CDH13: variants seen among roughly 807,000 people sequenced by gnomAD.
CDH13 encodes cadherin-13.
A neutral mutation model predicts 63.8 loss-of-function variants in CDH13; 24 were observed. That is an observed-to-expected ratio of 0.38 (90% CI 0.27 to 0.53). The LOEUF (loss-of-function observed/expected upper bound fraction) is 0.53, where lower values mean the gene tolerates loss of function less well. Among genes scored for constraint, CDH13 ranks in the 20% least tolerant of loss-of-function variants. The pLI, the probability that CDH13 is intolerant of heterozygous loss-of-function variation, is 0.85. For missense variants in CDH13, 1,049 were observed against 903.1 expected (o/e 1.16, Z -2.07); for synonymous variants, 503 against 355.3 (o/e 1.42, Z -4.67).
At chr16:83,313,265 T>G (rs1440453298) in intron 5 of CDH13, among the ~76,000 whole-genome samples, 1 of 152,214 alleles carries the variant, frequency 6.6e-6, no homozygotes, top group Admixed American at 6.5e-5. Context: ...CATTGATATT[T>G]TGAAAGGTGC....
chr16:83,571,898 G>T (rs367987288), intron 7 of CDH13, among the ~76,000 whole-genome samples: 4 of 151,020 alleles, frequency 2.6e-5, no homozygotes, highest in African/African-American at 9.9e-5. Context: ...ACAGAACTTA[G>T]CAGTCGCTCT....
At chr16:83,209,417 A>G (rs1007962241) in intron 4 of CDH13, among the ~76,000 whole-genome samples, 10 of 152,192 alleles carry the variant, frequency 6.6e-5, no homozygotes, top group African/African-American at 9.6e-5. Flanking sequence ...TTTTCAGGGT[A>G]TGCATAAGTT....
At chr16:83,396,855 A>C (rs964968492) in intron 6 of CDH13, 1 of 152,106 alleles carries the variant, frequency 6.6e-6, no homozygotes, top group African/African-American at 2.4e-5. Context: ...TGTCAGTAGC[A>C]TTTTTCATGG....
intron 4 of CDH13, among the ~76,000 whole-genome samples, chr16:83,148,409 C>G (rs1424681775): frequency 4.6e-5 from 7 of 152,192 alleles, no homozygotes; most frequent in Admixed American, 3.3e-4. Flanking sequence ...GCTGGAAGAA[C>G]TAAGACGGCA....
intron 8 of CDH13, among the ~76,000 whole-genome samples, chr16:83,632,114 G>C (rs1032184707): frequency 6.6e-6 from 1 of 152,290 alleles, no homozygotes; most frequent in African/African-American, 2.4e-5. Context: ...CAGGGAGGAG[G>C]CAAGCAGGGA....
At chr16:82,732,583 A>G (rs1198235701) in intron 1 of CDH13, among the ~76,000 whole-genome samples, 1 of 152,230 alleles carries the variant, frequency 6.6e-6, no homozygotes, top group African/African-American at 2.4e-5. Context: ...AAAGAGATTT[A>G]TCCCTCTTAT....
intron 2 of CDH13, among the ~76,000 whole-genome samples, chr16:82,863,705 A>T (rs1258209196): frequency 6.6e-6 from 1 of 152,170 alleles, no homozygotes; most frequent in Non-Finnish European, 1.5e-5. Flanking sequence ...CATTACTTTC[A>T]TTCATAGACC....
intron 1 of CDH13, among the ~76,000 whole-genome samples, chr16:82,657,259 G>A (rs545035434): frequency 2.3e-4 from 35 of 152,216 alleles, no homozygotes; most frequent in African/African-American, 8.4e-4. Context: ...TCCATAAAAT[G>A]GAACAATTAT....
intron 5 of CDH13, among the ~76,000 whole-genome samples, chr16:83,289,431 C>G (rs2089412204): frequency 6.6e-6 from 1 of 152,130 alleles, no homozygotes; most frequent in African/African-American, 2.4e-5. Flanking sequence ...CCAGGCTCCA[C>G]TTTAGTGTGG....
At chr16:82,807,574 C>G (rs2318185) in intron 1 of CDH13, among the ~76,000 whole-genome samples, 66,444 of 124,040 alleles carry the variant, frequency 0.54, 15,620 homozygotes, top group South Asian at 0.7. Flanking sequence ...GTCTTGATCT[C>G]TGGGCTAAGG....
intron 1 of CDH13, among the ~76,000 whole-genome samples, chr16:82,759,128 G>C (rs2034733592): frequency 1.3e-5 from 2 of 152,198 alleles, no homozygotes; most frequent in Non-Finnish European, 2.9e-5. Context: ...AGAGTCAGTG[G>C]ATAAATGGCC....
chr16:82,968,329 T>C (rs575637938), intron 2 of CDH13, among the ~76,000 whole-genome samples: 1 of 152,338 alleles, frequency 6.6e-6, no homozygotes, highest in South Asian at 2.1e-4. Flanking sequence ...ATCCTTTATC[T>C]AGAAAATGTG....
At chr16:83,535,769 G>C (rs762154245) in intron 7 of CDH13, among the ~76,000 whole-genome samples, 1 of 145,606 alleles carries the variant, frequency 6.9e-6, no homozygotes, top group East Asian at 2.2e-4. Context: ...AAGAGCTTAG[G>C]ACAGTGCTTG....
intron 8 of CDH13, among the ~76,000 whole-genome samples, chr16:83,621,036 G>A (rs4782830): frequency 1 from 152,022 of 152,284 alleles, 75,880 homozygotes; most frequent in Middle Eastern, 1. Context: ...GCACGCCCTC[G>A]AGCCCTCCTC....
At chr16:82,726,506 A>G (rs112237450) in intron 1 of CDH13, among the ~76,000 whole-genome samples, 43 of 152,348 alleles carry the variant, frequency 2.8e-4, no homozygotes, top group African/African-American at 9.9e-4. Context: ...GTTCAAAAAC[A>G]GGTGGTAGGT....
At position 83,678,305 on chromosome 16, in the gene CDH13, C is replaced by T. The variant is rs1029403801; in HGVS notation, c.1382C>T (p.Thr461Ile). 1 of 1,613,920 alleles carries T rather than the reference C, an allele frequency of 6.2e-7. No homozygotes were observed. Among genetic ancestry groups the T allele is most frequent in the Non-Finnish European group, 8.5e-7 (1 of 1,179,908 alleles). Residue 461 changes from threonine to isoleucine, a missense_variant, in exon 10 of 14, where the codon ACA becomes ATA. Transcript: ENST00000567109. ...GACGTCTCCTACGGCCCCAGCTCCA[C>T]AGCCACCGTCCACATCACTGTCCTG... ...VPDVSYGPSS[T>I]ATVHITVLDV...
At chr16:82,822,454 G>C (rs1444430357) in intron 1 of CDH13, among the ~76,000 whole-genome samples, 2 of 152,320 alleles carry the variant, frequency 1.3e-5, no homozygotes, top group East Asian at 3.9e-4. Flanking sequence ...AAAAATAAAA[G>C]TTAGGTTAAA....
At chr16:82,922,893 A>T (rs181228117) in intron 2 of CDH13, among the ~76,000 whole-genome samples, 41 of 152,306 alleles carry the variant, frequency 2.7e-4, no homozygotes, top group African/African-American at 9.4e-4. Context: ...GATATTGAGG[A>T]TTTGATTCCA....
chr16:83,215,698 T>A (rs1182732356), intron 4 of CDH13, among the ~76,000 whole-genome samples: 5 of 152,076 alleles, frequency 3.3e-5, no homozygotes, highest in African/African-American at 9.7e-5. Flanking sequence ...GAGGGCAGGT[T>A]TCCTGTCTTA....
Sources: allele counts gnomAD v4.1 joint callset (sites outside exome capture counted in the v4.1 genomes callset), GRCh38; gene constraint gnomAD v4.1.1; transcripts MANE v1.5; gene names NCBI Gene and HGNC (gene_info 2026-07-23, HGNC 2026-07-21).